The following AKNA variants were observed in gnomAD, a reference collection of about 807,000 sequenced individuals.
AKNA encodes the protein microtubule organization protein AKNA.
AKNA carries 67 observed loss-of-function variants against 138.8 expected under a neutral mutation model. The ratio of observed to expected loss-of-function variants is 0.48; its 90% CI spans 0.40 to 0.59. AKNA has a LOEUF of 0.59. AKNA is among the 20% of genes least tolerant of loss of function. The probability of loss-of-function intolerance (pLI) is 0.00; values close to 1 mark genes in which losing one functional copy is unlikely to be tolerated. For synonymous variants in AKNA, 737 were observed against 754.4 expected, an observed-to-expected ratio of 0.98 and a Z score of 0.38; for missense variants, 1,813 against 1,880.4, an observed-to-expected ratio of 0.96 and a Z score of 0.66.
At position 114,385,131 on chromosome 9, in the gene AKNA, A is replaced by C. The variant is rs191859098; in HGVS notation, c.-114+2729T>G. Among the ~76,000 whole-genome samples the C allele has an allele frequency of 1.1e-3, 167 of 152,284 alleles. 2 individuals carry two copies. The East Asian group carries it at 0.031, about 28-fold the overall frequency. ...GGCCTCCCTATGTGCTGGGATTACA[A>C]GCATGAGCCACCCACCCAGCTGGTC... On this transcript the variant is annotated intron_variant, in intron 1 of 21. Transcript: ENST00000374088.
intron 14 of AKNA, among the ~76,000 whole-genome samples, chr9:114,351,777 G>A (rs1831142074): frequency 6.6e-6 from 1 of 152,124 alleles, no homozygotes; most frequent in Admixed American, 6.5e-5. Context: ...GCTGCAGTGA[G>A]CCATAATGGC....
intron 1 of AKNA, among the ~76,000 whole-genome samples, chr9:114,386,940 C>T (rs938910674): frequency 6.6e-6 from 1 of 152,086 alleles, no homozygotes; most frequent in African/African-American, 2.4e-5. Context: ...CAGAGCTGTC[C>T]AGGGTGCCAC....
chr9:114,364,595 G>C lies in AKNA; in HGVS notation c.1753C>G (p.Gln585Glu). 6.2e-7 allele frequency: 1 copy of C among 1,613,990 alleles called. No homozygotes were observed. The highest frequency in any genetic ancestry group is 1.1e-5 in the South Asian group (1 of 91,066). Residue 585 changes from glutamine (Q) to glutamate (E), a missense_variant, in exon 7 of 22, where the codon CAG becomes GAG. Coordinates refer to ENST00000374088, the MANE Select transcript of AKNA (RefSeq NM_001317950.2). ...AKVESFERLI[Q>E]AGRLMPQDQV... ...TCCTGGGGCATGAGACGTCCTGCCT[G>C]TATCAGTCTTTCAAAGGACTCCACC... is the stretch of plus-strand genomic sequence containing the variant.
rs1209172184 is a variant in AKNA, at chr9:114,345,944, G to A, written c.3580C>T (p.Pro1194Ser). 7 of 1,614,112 alleles carry A rather than the reference G, an allele frequency of 4.3e-6. No homozygotes were observed. The highest frequency in any genetic ancestry group is 1.1e-5 in the South Asian group (1 of 91,074). ...CTCTTTCCATCCCGAGCTGCCTGTGGACTGTCCTTGGTGGTCTTGCTCTTC... is the reference window on the plus strand; with the variant it reads ...CTCTTTCCATCCCGAGCTGCCTGTGAACTGTCCTTGGTGGTCTTGCTCTTC... ...SEKSKTTKDS[P>S]QAARDGKRGV... The change falls in exon 18 of 22, where the codon CCA becomes TCA. Residue 1194 changes from proline to serine, a missense_variant. Pro to Ser is a moderately conservative substitution (Grantham distance 74). Transcript: ENST00000374088.
downstream of AKNA, among the ~76,000 whole-genome samples, chr9:114,331,376 T>C (rs1306639390): frequency 6.6e-6 from 1 of 151,938 alleles, no homozygotes; most frequent in Non-Finnish European, 1.5e-5. Flanking sequence ...GCTCCTGAGA[T>C]CTCATGTACA....
rs541561865 is a variant in AKNA, at chr9:114,341,361, T to C, written c.4067+172A>G. On this transcript the variant is annotated intron_variant, in intron 21 of 21. Transcript: ENST00000374088. ...GGTTTGTTGAGTGCCTATATGAGTG[T>C]TGGCTTTGTTGAGTGACTATATGAG... 6.0e-4 allele frequency among the ~76,000 whole-genome samples: 91 copies of C among 152,278 alleles called. 2 individuals are homozygous for C. The South Asian group carries it at 0.018, about 31-fold the overall frequency.
intron 4 of AKNA, among the ~76,000 whole-genome samples, chr9:114,372,636 C>T (rs533644784): frequency 4.6e-5 from 7 of 152,314 alleles, no homozygotes; most frequent in East Asian, 1.9e-4. Context: ...CCTATCCCAA[C>T]GGGAGCCCCA....
chr9:114,337,073 C>A lies in AKNA; in HGVS notation c.4301G>T (p.Arg1434Leu). The A allele has an allele frequency of 6.5e-7, 1 of 1,543,208 alleles. No individual in the cohort carries two copies. The highest frequency in any genetic ancestry group is 2.4e-5 in the East Asian group (1 of 41,346). The stretch of plus-strand genomic sequence containing the variant: ...GTGAAGTCAGAAGAGGCAGGAGCCC[C>A]GCAGGCTGTGAGCCTGGCGCAGGTC... The part of the protein sequence containing the change: ...SADLRQAHSL[R>L]GSCLF Residue 1434 changes from arginine to leucine, a missense_variant, in exon 22 of 22, where the codon CGG becomes CTG. Transcript: ENST00000374088.
intron 3 of AKNA, 97 bp downstream of exon 3, chr9:114,376,369 A>T (rs1348893018): frequency 1.0e-6 from 1 of 955,540 alleles, no homozygotes; most frequent in South Asian, 1.3e-5. Flanking sequence ...TCTCCACCCC[A>T]GCCAGCCTCT....
In AKNA at chr9:114,356,915, T is replaced by C. The variant is rs1260510077; in HGVS notation, c.2794A>G (p.Ser932Gly). 2 of 1,570,830 alleles carry C rather than the reference T, an allele frequency of 1.3e-6. No individual in the cohort carries two copies. Among genetic ancestry groups the C allele is most frequent in the African/African-American group, 2.8e-5 (2 of 71,428 alleles). Residue 932 changes from serine to glycine, a missense_variant, in exon 13 of 22, where the codon AGC becomes GGC. By Grantham distance (56) the Ser-to-Gly change is moderately conservative. Coordinates refer to ENST00000374088, the MANE Select transcript of AKNA (RefSeq NM_001317950.2). Reference protein sequence around the residue: ...TDSGFVGSETSRVSPLTQTPE... With the variant: ...TDSGFVGSETGRVSPLTQTPE... ...GTCTGGGTGAGGGGTGAAACTCTGC[T>C]TGTTTCTGAGCCCACAAAGCCACTG... is the stretch of plus-strand genomic sequence containing the variant.
chr9:114,393,838 AAG>A (rs776161922), intron 1 of AKNA, among the ~76,000 whole-genome samples: 3 of 152,090 alleles, frequency 2.0e-5, no homozygotes, highest in African/African-American at 4.8e-5. Context: ...AGGAAAAAGA[AAG>A]AGAGAGAAAG....
At chr9:114,332,188 T>A (rs1216179577), downstream of AKNA, among the ~76,000 whole-genome samples, 1 of 151,592 alleles carries the variant, frequency 6.6e-6, no homozygotes, top group Admixed American at 6.6e-5. Context: ...AGCCACGGGG[T>A]TGGGGGATTG....
rs1342612360 is a variant in AKNA at position 114,360,061 on chromosome 9, G to C, written c.2126C>G (p.Pro709Arg). 1.9e-6 allele frequency: 3 copies of C among 1,614,158 alleles called. No homozygotes were observed. Among genetic ancestry groups the C allele is most frequent in the South Asian group, 2.2e-5 (2 of 91,090 alleles). The change falls in exon 10 of 22, where the codon CCT becomes CGT. Residue 709 changes from proline to arginine, a missense_variant and splice_region_variant. Coordinates refer to ENST00000374088, the MANE Select transcript of AKNA (RefSeq NM_001317950.2). ...GCTGGCGGCGGCAGTGGTGGTAGCA[G>C]GCTGGGGTCAGAAAGATGGACAGAC... ...MPAIKTSCPE[P>R]ATTTAAASTG...
At chr9:114,382,199 A>C (rs1423221945) in intron 1 of AKNA, among the ~76,000 whole-genome samples, 2 of 152,196 alleles carry the variant, frequency 1.3e-5, no homozygotes, top group African/African-American at 2.4e-5. Context: ...AGGCCAGGGA[A>C]GTCTGGTGAT....
At chr9:114,373,491 C>T (rs936113134) in intron 4 of AKNA, among the ~76,000 whole-genome samples, 7 of 152,150 alleles carry the variant, frequency 4.6e-5, no homozygotes, top group African/African-American at 1.2e-4. Flanking sequence ...GCCCAAGTAA[C>T]GTCCTTAAGG....
At chr9:114,388,513 C>T (rs1834201759), upstream of AKNA, among the ~76,000 whole-genome samples, 2 of 152,222 alleles carry the variant, frequency 1.3e-5, no homozygotes, top group Non-Finnish European at 2.9e-5. Flanking sequence ...CTCAACCCAC[C>T]GTCCTCACCC....
intron 1 of AKNA, among the ~76,000 whole-genome samples, chr9:114,387,048 C>T (rs115306325): frequency 8.4e-4 from 128 of 152,216 alleles, no homozygotes; most frequent in African/African-American, 2.8e-3. Context: ...AGCCAGGAAG[C>T]GCAGACAGAG....
intron 11 of AKNA, chr9:114,359,073 CT>C (rs11296673): frequency 0.078 from 11,375 of 145,700 alleles, 1,242 homozygotes; most frequent in African/African-American, 0.25. Flanking sequence ...ATTCTTTTTT[CT>C]TTTTTTTTTT....
Position 114,350,941 on chromosome 9 carries a change from C to T in AKNA, c.3139G>A (p.Ala1047Thr), listed in dbSNP as rs930904369. ...LPNKTISPPP[A>T]PAPAAAPLPC... is the part of the protein sequence containing the mutation. Reference sequence around the variant, plus strand: ...AGAGGCGCAGCGGCAGGGGCGGGGGCTGGGGGTGGGCTGATTGTCTTGTTG... The same window carrying T: ...AGAGGCGCAGCGGCAGGGGCGGGGGTTGGGGGTGGGCTGATTGTCTTGTTG... The change falls in exon 15 of 22, where the codon GCC becomes ACC. Residue 1047 changes from alanine to threonine, a missense_variant. Physicochemically the swap from Ala to Thr is moderately conservative, Grantham distance 58. Transcript: ENST00000374088. The T allele has an allele frequency of 6.8e-6, 10 of 1,462,822 alleles. No individual in the cohort carries two copies. Among genetic ancestry groups the T allele is most frequent in the Non-Finnish European group, 9.5e-6 (10 of 1,056,548 alleles). 90.6% of individuals were successfully genotyped at this position (1,462,822 alleles called of 1,614,324 possible). A position where few individuals can be genotyped will look rare whatever the true frequency, so the allele number is the denominator to read the frequency against.
Sources: allele counts gnomAD v4.1 joint callset (sites outside exome capture counted in the v4.1 genomes callset), GRCh38; gene constraint gnomAD v4.1.1; transcripts MANE v1.5; gene names NCBI Gene and HGNC (gene_info 2026-07-23, HGNC 2026-07-21).